The following SIK3 variants were observed in gnomAD, a reference collection of about 807,000 sequenced individuals.
SIK3 encodes serine/threonine-protein kinase SIK3.
Under a neutral mutation model 144.2 loss-of-function variants are expected in SIK3, and 28 were observed. The ratio of observed to expected loss-of-function variants is 0.19; its 90% confidence interval spans 0.14 to 0.27. SIK3 has a LOEUF of 0.27. Ranked by LOEUF, SIK3 falls within the 10% of genes least tolerant of loss-of-function variation. SIK3 has a pLI of 1.00. For missense variants in SIK3, 1,319 were observed against 1,776.0 expected, an observed-to-expected ratio of 0.74 and a Z score of 4.62; for synonymous variants, 686 against 676.3, an observed-to-expected ratio of 1.01 and a Z score of -0.22.
At chr11:117,037,293 A>T (rs1178882095) in intron 1 of SIK3, among the ~76,000 whole-genome samples, 4 of 152,186 alleles carry the variant, frequency 2.6e-5, no homozygotes, top group Non-Finnish European at 4.4e-5. Context: ...AGGCAGGAAA[A>T]CTTCCCAAGG....
At chr11:117,091,200 C>CTTTTTTTTTTTTT (rs386375011) in intron 1 of SIK3, among the ~76,000 whole-genome samples, 1 of 93,008 alleles carries the variant, frequency 1.1e-5, no homozygotes, top group Non-Finnish European at 2.0e-5. Context: ...TTTTTTTTTT[C>CTTTTTTTTTTTTT]TTTTTTTTTT....
Position 117,009,327 on chromosome 11 carries a change from C to T in SIK3, c.274-52263G>A, listed in dbSNP as rs1951167216. Among the ~76,000 whole-genome samples the T allele has an allele frequency of 2.6e-5, 4 of 151,780 alleles. No individual in the cohort carries two copies. In the South Asian group the frequency reaches 8.3e-4, roughly 32 times the overall value. On this transcript the variant is annotated intron_variant, in intron 1 of 24. Transcript: ENST00000445177. ...TTGGGAGGCCAAGGAGGGAAGATTG[C>T]TTGAGCCCAGGAGTTCGAGACCAGC...
intron 3 of SIK3, among the ~76,000 whole-genome samples, chr11:116,945,274 G>C (rs145494717): frequency 6.6e-6 from 1 of 151,486 alleles, no homozygotes; most frequent in Non-Finnish European, 1.5e-5. Flanking sequence ...AGTGGCTGTC[G>C]TGTTGGGCAG....
chr11:117,083,780 A>G (rs1366729941), intron 1 of SIK3, among the ~76,000 whole-genome samples: 1 of 152,252 alleles, frequency 6.6e-6, no homozygotes, highest in Non-Finnish European at 1.5e-5. Flanking sequence ...TTCTTGCAGC[A>G]TATGAACCAA....
At chr11:116,946,032 A>C (rs1948571481) in intron 3 of SIK3, among the ~76,000 whole-genome samples, 1 of 152,202 alleles carries the variant, frequency 6.6e-6, no homozygotes, top group South Asian at 2.1e-4. Flanking sequence ...ACCCACATGC[A>C]TCCTTTATCT....
At chr11:117,015,219 T>C (rs946493841) in intron 1 of SIK3, among the ~76,000 whole-genome samples, 36 of 152,086 alleles carry the variant, frequency 2.4e-4, no homozygotes, top group South Asian at 4.1e-4. Context: ...ACCAGAGAAA[T>C]GCAAACTAAA....
intron 4 of SIK3, among the ~76,000 whole-genome samples, chr11:116,923,139 C>T (rs1381408659): frequency 6.6e-6 from 1 of 152,300 alleles, no homozygotes; most frequent in Admixed American, 6.5e-5. Flanking sequence ...TGGTCTCAAA[C>T]TCCTGACCTC....
chr11:116,862,968 G>C (rs1303253645), intron 16 of SIK3, among the ~76,000 whole-genome samples: 1 of 152,070 alleles, frequency 6.6e-6, no homozygotes, highest in Non-Finnish European at 1.5e-5. Flanking sequence ...CAGCTACCCA[G>C]GATGCTGAGG....
At chr11:117,062,286 T>C (rs1022477264) in intron 1 of SIK3, among the ~76,000 whole-genome samples, 3 of 152,240 alleles carry the variant, frequency 2.0e-5, no homozygotes, top group African/African-American at 7.2e-5. Context: ...ACAAGCTTTC[T>C]GATTTTCCCT....
intron 3 of SIK3, among the ~76,000 whole-genome samples, chr11:116,932,637 T>C (rs898606365): frequency 2.0e-5 from 3 of 152,284 alleles, no homozygotes; most frequent in Admixed American, 6.5e-5. Flanking sequence ...AAGATCTCCG[T>C]TGCACTACCC....
intron 1 of SIK3, among the ~76,000 whole-genome samples, chr11:116,995,088 T>G (rs6589585): frequency 1 from 151,905 of 151,910 alleles, 75,950 homozygotes; most frequent in Middle Eastern, 1. Context: ...GGCAACATAG[T>G]GAAACCTTGT....
At chr11:116,912,654 G>T (rs533846584) in intron 4 of SIK3, among the ~76,000 whole-genome samples, 72 of 152,222 alleles carry the variant, frequency 4.7e-4, no homozygotes, top group East Asian at 1.4e-3. Context: ...GAGCAGAGGG[G>T]AAAAAGTGAA....
At chr11:116,883,693 G>A (rs1944664609) in intron 6 of SIK3, among the ~76,000 whole-genome samples, 1 of 152,206 alleles carries the variant, frequency 6.6e-6, no homozygotes, top group Non-Finnish European at 1.5e-5. Context: ...CAGCACTCTG[G>A]GAGCCCGAGA....
At chr11:116,953,977 A>T in intron 3 of SIK3, 67 bp downstream of exon 3, 1 of 1,286,418 alleles carries the variant, frequency 7.8e-7, no homozygotes, top group Non-Finnish European at 1.1e-6. Context: ...AAAGGCACTG[A>T]ACAGCTATTT....
intron 1 of SIK3, among the ~76,000 whole-genome samples, chr11:117,068,472 G>A (rs1012889037): frequency 2.6e-5 from 4 of 152,226 alleles, no homozygotes; most frequent in East Asian, 1.9e-4. Flanking sequence ...TTTGTGGTCT[G>A]GCATGATGGC....
At chr11:117,061,356 T>A (rs1190739707) in intron 1 of SIK3, among the ~76,000 whole-genome samples, 1 of 152,140 alleles carries the variant, frequency 6.6e-6, no homozygotes, top group East Asian at 1.9e-4. Flanking sequence ...CGAACACGCA[T>A]GTGGTAAAGC....
intron 4 of SIK3, among the ~76,000 whole-genome samples, chr11:116,897,999 G>C (rs1035766194): frequency 2.0e-5 from 3 of 151,914 alleles, no homozygotes; most frequent in African/African-American, 7.3e-5. Flanking sequence ...TATACTTTAA[G>C]TTTTAGGGTA....
chr11:117,078,983 G>C (rs1421928351), intron 1 of SIK3, among the ~76,000 whole-genome samples: 1 of 125,058 alleles, frequency 8.0e-6, no homozygotes, highest in Non-Finnish European at 1.6e-5. Context: ...AATTAAGTAT[G>C]ATATCCTAAA....
At chr11:116,988,258 C>T (rs548787838) in intron 1 of SIK3, among the ~76,000 whole-genome samples, 2 of 152,054 alleles carry the variant, frequency 1.3e-5, no homozygotes, top group African/African-American at 4.8e-5. Context: ...CGGTGGCAGG[C>T]GCCTGTAGTC....
Sources: gnomAD v4.1 joint callset for allele counts (sites outside exome capture counted in the v4.1 genomes callset) on GRCh38, gnomAD v4.1.1 for gene constraint, MANE v1.5 for transcripts, NCBI Gene and HGNC (gene_info 2026-07-23, HGNC 2026-07-21) for gene names.